Variants in CTNNA3 observed in about 807,000 individuals in gnomAD.
CTNNA3 encodes catenin alpha-3.
A neutral mutation model predicts 95.7 loss-of-function variants in CTNNA3; 76 were observed. That is an observed-to-expected ratio of 0.79 (90% CI 0.66 to 0.96). The LOEUF (loss-of-function observed/expected upper bound fraction) is 0.96, where lower values mean the gene tolerates loss of function less well. Among genes scored for constraint, CTNNA3 ranks in the 40% least tolerant of loss-of-function variants. CTNNA3 has a pLI of 0.00. For missense variants in CTNNA3, 1,191 were observed against 1,089.8 expected (o/e 1.09, Z -1.31); for synonymous variants, 431 against 374.4 (o/e 1.15, Z -1.74).
chr10:65,921,795 C>T (rs1276816837), intron 17 of CTNNA3, among the ~76,000 whole-genome samples: 1 of 152,164 alleles, frequency 6.6e-6, no homozygotes, highest in Non-Finnish European at 1.5e-5. Flanking sequence ...CAAATGTAGC[C>T]TATGATCTTG....
intron 5 of CTNNA3, among the ~76,000 whole-genome samples, chr10:67,242,843 G>A (rs559287910): frequency 6.6e-6 from 1 of 152,274 alleles, no homozygotes; most frequent in Non-Finnish European, 1.5e-5. Flanking sequence ...GAATCCCAGT[G>A]CAAAAACACT....
At chr10:66,062,178 G>A (rs1220786425) in intron 15 of CTNNA3, among the ~76,000 whole-genome samples, 1 of 152,132 alleles carries the variant, frequency 6.6e-6, no homozygotes, top group African/African-American at 2.4e-5. Flanking sequence ...ACAGTACACA[G>A]TAAGCACTCA....
chr10:67,493,487 G>A (rs1467839307), intron 5 of CTNNA3, among the ~76,000 whole-genome samples: 4 of 150,990 alleles, frequency 2.6e-5, no homozygotes, highest in African/African-American at 9.7e-5. Flanking sequence ...GCGTGAACCC[G>A]GGAGGCGGAG....
chr10:67,134,404 A>T (rs1479888662), intron 7 of CTNNA3, among the ~76,000 whole-genome samples: 2 of 152,154 alleles, frequency 1.3e-5, no homozygotes, highest in Non-Finnish European at 2.9e-5. Context: ...AGAACACAAA[A>T]AAAGGAATGT....
chr10:66,661,351 G>C (rs942362904), intron 9 of CTNNA3, among the ~76,000 whole-genome samples: 1 of 151,978 alleles, frequency 6.6e-6, no homozygotes, highest in Admixed American at 6.6e-5. Flanking sequence ...TAAACCCATC[G>C]GTTCTTGTGA....
chr10:66,692,373 T>C (rs1847581215), intron 9 of CTNNA3, among the ~76,000 whole-genome samples: 1 of 151,900 alleles, frequency 6.6e-6, no homozygotes, highest in Non-Finnish European at 1.5e-5. Flanking sequence ...CAATGGAAGA[T>C]GAAATGAATG....
chr10:67,491,481 T>A (rs1470571320), intron 5 of CTNNA3, among the ~76,000 whole-genome samples: 1 of 152,150 alleles, frequency 6.6e-6, no homozygotes, highest in South Asian at 2.1e-4. Context: ...TTAGGAGCCA[T>A]CACATATGCA....
intron 10 of CTNNA3, among the ~76,000 whole-genome samples, chr10:66,614,694 C>G (rs750295071): frequency 3.3e-5 from 5 of 151,970 alleles, no homozygotes; most frequent in Non-Finnish European, 7.4e-5. Flanking sequence ...TTAGCCCTGT[C>G]AGGTTATTGG....
At chr10:66,270,332 G>A (rs759613851) in intron 13 of CTNNA3, among the ~76,000 whole-genome samples, 2 of 151,974 alleles carry the variant, frequency 1.3e-5, no homozygotes, top group Non-Finnish European at 2.9e-5. Context: ...AGCCCCACAA[G>A]TAGATGGGAG....
chr10:66,314,154 G>A (rs144552763), intron 12 of CTNNA3, among the ~76,000 whole-genome samples: 1 of 152,190 alleles, frequency 6.6e-6, no homozygotes, highest in Admixed American at 6.5e-5. Flanking sequence ...TAGCTCACAT[G>A]TTCTTCCCCG....
chr10:66,464,560 C>G (rs528024438), intron 11 of CTNNA3, among the ~76,000 whole-genome samples: 1 of 152,032 alleles, frequency 6.6e-6, no homozygotes, highest in African/African-American at 2.4e-5. Context: ...GTCAGGAGTT[C>G]GAGACCAGCC....
At chr10:66,782,367 C>T (rs964158722) in intron 7 of CTNNA3, among the ~76,000 whole-genome samples, 2 of 152,104 alleles carry the variant, frequency 1.3e-5, no homozygotes, top group African/African-American at 2.4e-5. Flanking sequence ...CTTTTTCAAA[C>T]ACCAGCCTTG....
At chr10:66,624,784 G>C (rs1470250247) in intron 9 of CTNNA3, among the ~76,000 whole-genome samples, 1 of 152,008 alleles carries the variant, frequency 6.6e-6, no homozygotes, top group Non-Finnish European at 1.5e-5. Flanking sequence ...TTAAGCAGGG[G>C]GATGAAACAT....
At position 66,165,501 on chromosome 10, in the gene CTNNA3, G is replaced by C. The variant is rs187038145; in HGVS notation, c.1885-62252C>G. Among the ~76,000 whole-genome samples the C allele has an allele frequency of 2.6e-3, 388 of 152,078 alleles. 1 individual carries two copies. Among genetic ancestry groups the C allele is most frequent in the African/African-American group, 9.0e-3 (373 of 41,486 alleles). ...AAAGCTGAAATTATAAAAAACAAAA[G>C]AAAATAGTATGTGCTAAATATTTAT... On this transcript the variant is annotated intron_variant, in intron 13 of 17. Transcript: ENST00000433211.
At chr10:66,088,485 TTGTGTG>T (rs3074377) in intron 14 of CTNNA3, among the ~76,000 whole-genome samples, 8,470 of 139,570 alleles carry the variant, frequency 0.061, 297 homozygotes, top group Middle Eastern at 0.11. Context: ...GGTAGGTGTT[TTGTGTG>T]TGTGTGTGTG....
chr10:66,171,537 C>G (rs1294161118), intron 13 of CTNNA3, among the ~76,000 whole-genome samples: 1 of 147,396 alleles, frequency 6.8e-6, no homozygotes, highest in African/African-American at 2.5e-5. Context: ...TAGAGCAAGA[C>G]TCCATCTCAA....
chr10:65,933,815 T>A (rs1185708272), intron 17 of CTNNA3, among the ~76,000 whole-genome samples: 1 of 152,208 alleles, frequency 6.6e-6, no homozygotes, highest in Non-Finnish European at 1.5e-5. Flanking sequence ...CCTGATTTTA[T>A]TCAGGCAATT....
chr10:66,112,910 G>A (rs1022552270), intron 13 of CTNNA3, among the ~76,000 whole-genome samples: 2 of 151,868 alleles, frequency 1.3e-5, no homozygotes, highest in Non-Finnish European at 2.9e-5. Flanking sequence ...CTTGGCTATC[G>A]TGAATAATGC....
chr10:67,596,834 T>A (rs193069025), intron 3 of CTNNA3, among the ~76,000 whole-genome samples: 40 of 152,368 alleles, frequency 2.6e-4, no homozygotes, highest in Admixed American at 2.5e-3. Flanking sequence ...TGGGGAAATT[T>A]TTGTGGACAA....
Sources: gnomAD v4.1 joint callset for allele counts (sites outside exome capture counted in the v4.1 genomes callset) on GRCh38, gnomAD v4.1.1 for gene constraint, MANE v1.5 for transcripts, NCBI Gene and HGNC (gene_info 2026-07-23, HGNC 2026-07-21) for gene names.